EMX1: variants seen among roughly 807,000 people sequenced by gnomAD.
EMX1 encodes the protein empty spiracles homeobox 1.
A neutral mutation model predicts 20.1 loss-of-function variants in EMX1; 10 were observed. The observed-to-expected ratio is 0.50, with a 90% CI of 0.31 to 0.84. The LOEUF is 0.84. Among genes scored for constraint, EMX1 ranks in the 40% least tolerant of loss-of-function variants. The pLI, the probability that EMX1 is intolerant of heterozygous loss-of-function variation, is 0.05. For synonymous variants in EMX1, 250 were observed against 200.4 expected, an observed-to-expected ratio of 1.25 and a Z score of -2.09; for missense variants, 424 against 431.9, an observed-to-expected ratio of 0.98 and a Z score of 0.16.
chr2:72,933,885 C>G lies in EMX1; in HGVS notation c.804C>G (p.His268Gln). The part of the protein sequence containing the change: ...ESEQKKKGSH[H>Q]INRWRIATKQ... The stretch of plus-strand genomic sequence containing the variant: ...AGCAGAAGAAGAAGGGCTCCCATCA[C>G]ATCAACCGGTGGCGCATTGCCACGA... Residue 268 changes from histidine (H) to glutamine (Q), a missense_variant, in exon 3 of 3, where the codon CAC becomes CAG. Coordinates refer to ENST00000258106, the MANE Select transcript of EMX1 (RefSeq NM_004097.3). The G allele has an allele frequency of 1.2e-6, 2 of 1,614,276 alleles. No individual in the cohort carries two copies. Among genetic ancestry groups the G allele is most frequent in the Non-Finnish European group, 1.7e-6 (2 of 1,180,048 alleles).
upstream of EMX1, chr2:72,917,432 C>A (rs1370133759): frequency 5.0e-6 from 1 of 199,016 alleles, no homozygotes; most frequent in South Asian, 1.7e-4. Flanking sequence ...CCTCCCCACC[C>A]GCCGTCCCTC....
chr2:72,924,331 G>T lies in EMX1; in HGVS notation c.543G>T (p.Gly181=). The T allele has an allele frequency of 6.4e-7, 1 of 1,574,644 alleles. No homozygotes were observed. The highest frequency in any genetic ancestry group is 8.6e-7 in the Non-Finnish European group (1 of 1,167,842). The change falls in exon 2 of 3, where the codon GGG becomes GGT. Residue 181 remains glycine, a synonymous_variant. Coordinates refer to ENST00000258106, the MANE Select transcript of EMX1 (RefSeq NM_004097.3). ...RFQASDVPQD[G]LLLHGPFARK... is the part of the protein sequence containing the mutation. ...CAGCCAGCGACGTGCCCCAGGACGGGCTGCTTCTGCACGGCCCCTTCGCAC... is the reference window on the plus strand; with the variant it reads ...CAGCCAGCGACGTGCCCCAGGACGGTCTGCTTCTGCACGGCCCCTTCGCAC...
intron 2 of EMX1, among the ~76,000 whole-genome samples, chr2:72,925,110 T>C (rs981267490): frequency 6.6e-6 from 1 of 152,120 alleles, no homozygotes; most frequent in African/African-American, 2.4e-5. Flanking sequence ...GGCCGGCTGA[T>C]AGGGCTGTGG....
chr2:72,926,117 T>C, intron 2 of EMX1: 1 of 984,930 alleles, frequency 1.0e-6, no homozygotes. Context: ...ATTGCAGAAC[T>C]GTAAGAAAAC....
intron 1 of EMX1, chr2:72,923,875 T>G: frequency 3.8e-6 from 1 of 263,232 alleles, no homozygotes; most frequent in Non-Finnish European, 7.5e-6. Context: ...TTGCGACCAG[T>G]TAACTGAAAG....
intron 2 of EMX1, among the ~76,000 whole-genome samples, chr2:72,927,023 C>CT (rs1251921706): frequency 6.6e-6 from 1 of 152,152 alleles, no homozygotes; most frequent in Non-Finnish European, 1.5e-5. Context: ...ATATCTGTAT[C>CT]TGTCTCCAGA....
At chr2:72,921,741 A>T (rs1671108207) in intron 1 of EMX1, among the ~76,000 whole-genome samples, 1 of 152,194 alleles carries the variant, frequency 6.6e-6, no homozygotes, top group African/African-American at 2.4e-5. Flanking sequence ...ACCCTTTAGG[A>T]CACATGCTGT....
At chr2:72,918,407 G>A (rs764690210) in intron 1 of EMX1, 35 bp downstream of exon 1, 2 of 1,362,158 alleles carry the variant, frequency 1.5e-6, no homozygotes, top group African/African-American at 3.1e-5. Flanking sequence ...GAGGCGGCCG[G>A]CCGGCGCCCG....
At chr2:72,928,183 C>T (rs901818988) in intron 2 of EMX1, among the ~76,000 whole-genome samples, 1 of 152,182 alleles carries the variant, frequency 6.6e-6, no homozygotes, top group African/African-American at 2.4e-5. Flanking sequence ...TGGGCAAGGG[C>T]TAGTTCTCCC....
At chr2:72,933,549 C>T in intron 2 of EMX1, 1 of 544,064 alleles carries the variant, frequency 1.8e-6, no homozygotes, top group South Asian at 2.4e-5. Context: ...TTGAGAGGAA[C>T]AGGAAAACCA....
intron 2 of EMX1, chr2:72,925,896 G>T: frequency 2.0e-6 from 2 of 985,408 alleles, no homozygotes; most frequent in Non-Finnish European, 2.4e-6. Context: ...TACTAGCTGG[G>T]CTGTTCTAAC....
chr2:72,927,932 T>C (rs760218563), intron 2 of EMX1, among the ~76,000 whole-genome samples: 4 of 152,248 alleles, frequency 2.6e-5, no homozygotes, highest in Non-Finnish European at 5.9e-5. Flanking sequence ...CCTTGTACTT[T>C]CACAGCTGAT....
intron 2 of EMX1, among the ~76,000 whole-genome samples, chr2:72,928,305 G>C (rs1671235492): frequency 1.3e-5 from 2 of 152,228 alleles, no homozygotes; most frequent in African/African-American, 4.8e-5. Context: ...ACCTGGGCCT[G>C]GGTCATTGCA....
intron 1 of EMX1, among the ~76,000 whole-genome samples, chr2:72,920,832 G>C (rs1349914852): frequency 6.6e-6 from 1 of 152,206 alleles, no homozygotes; most frequent in Non-Finnish European, 1.5e-5. Flanking sequence ...GGAGTGGGCC[G>C]CATTTCGGTA....
Position 72,930,797 on chromosome 2 carries a change from CT to C in EMX1, c.706-2985del, listed in dbSNP as rs1671268129. On this transcript the variant is annotated intron_variant, in intron 2 of 2. Transcript: ENST00000258106. The surrounding 1 kb of genome is among the most constrained non-coding windows in gnomAD (Gnocchi z 4.4). ...ATACACTCAGAGCCCAGTTCCTTTT[CT>C]TTTTCCAAGTAAAAAATAACTACCA... is the stretch of plus-strand genomic sequence containing the variant. 6.6e-6 allele frequency among the ~76,000 whole-genome samples: 1 copy of C among 152,164 alleles called. No individual in the cohort carries two copies. Among genetic ancestry groups the C allele is most frequent in the South Asian group, 2.1e-4 (1 of 4,824 alleles).
At position 72,918,227 on chromosome 2, in the gene EMX1, C is replaced by CCCCGCGCTGACCGTGCAT. The variant is rs1553501069; in HGVS notation, c.378_395dup (p.Leu128_Ala133dup). 3.8e-6 allele frequency: 6 copies of CCCCGCGCTGACCGTGCAT among 1,580,656 alleles called. No homozygotes were observed. Among genetic ancestry groups the CCCCGCGCTGACCGTGCAT allele is most frequent in the Non-Finnish European group, 5.1e-6 (6 of 1,173,678 alleles). ...TCGTGTTCCCCGAGGCCATGAACCACCCCGCGCTGACCGTGCATCCGGCGC... is the reference window on the plus strand; with the variant it reads ...TCGTGTTCCCCGAGGCCATGAACCACCCCGCGCTGACCGTGCATCCCGCGCTGACCGTGCATCCGGCGC... On this transcript the variant is annotated inframe_insertion, in exon 1 of 3. Coordinates refer to ENST00000258106, the MANE Select transcript of EMX1 (RefSeq NM_004097.3).
rs1671265755 is a variant in EMX1 at position 72,930,602 on chromosome 2, GTGTT to G, written c.706-3181_706-3178del. Reference sequence around the variant, plus strand: ...CGGGGCTTAGAGAGAGGTGAGTAGTGTGTTTGTGTTGGGGATGGGGAGGCATGTG... The same window carrying G: ...CGGGGCTTAGAGAGAGGTGAGTAGTGTGTGTTGGGGATGGGGAGGCATGTG... On this transcript the variant is annotated intron_variant, in intron 2 of 2. Transcript: ENST00000258106. This position sits in a 1 kb window ranked among gnomAD's most constrained non-coding sequence, Gnocchi z 4.4. 6.6e-6 allele frequency among the ~76,000 whole-genome samples: 1 copy of G among 152,146 alleles called. No individual in the cohort carries two copies. Among genetic ancestry groups the G allele is most frequent in the Middle Eastern group, 3.2e-3 (1 of 316 alleles).
At position 72,917,885 on chromosome 2, in the gene EMX1, G is replaced by T; in HGVS notation, c.33G>T (p.Ala11=). 6.8e-7 allele frequency: 1 copy of T among 1,479,340 alleles called. No homozygotes were observed. The highest frequency in any genetic ancestry group is 8.9e-7 in the Non-Finnish European group (1 of 1,122,590). The allele number at this position is 1,479,340 out of a possible 1,614,324, so 91.6% of individuals were successfully genotyped here. ...TGGCTGGGTGCACACCCCGCAAGGC[G>T]GCGGCGCCAGGACGCGGAGCGCTCC... is the stretch of plus-strand genomic sequence containing the variant. MCLAGCTPRK[A]AAPGRGALPR... Residue 11 remains alanine, a synonymous_variant, in exon 1 of 3, where the codon GCG becomes GCT. Transcript: ENST00000258106.
In EMX1 at chr2:72,924,346, C is replaced by T. The variant is rs770883059; in HGVS notation, c.558C>T (p.Gly186=). The T allele has an allele frequency of 1.3e-6, 2 of 1,582,288 alleles. No homozygotes were observed. The highest frequency in any genetic ancestry group is 2.3e-5 in the East Asian group (1 of 43,950). Residue 186 remains glycine (G), a synonymous_variant, in exon 2 of 3, where the codon GGC becomes GGT. Transcript: ENST00000258106. Reference sequence around the variant, plus strand: ...CCCAGGACGGGCTGCTTCTGCACGGCCCCTTCGCACGCAAGCCCAAGCGGA... The same window carrying T: ...CCCAGGACGGGCTGCTTCTGCACGGTCCCTTCGCACGCAAGCCCAAGCGGA... ...DVPQDGLLLH[G]PFARKPKRIR...
Sources: gnomAD v4.1 joint callset for allele counts (sites outside exome capture counted in the v4.1 genomes callset) on GRCh38, gnomAD v4.1.1 for gene constraint, Gnocchi (gnomAD v3.1) non-coding constraint, MANE v1.5 for transcripts, NCBI Gene and HGNC (gene_info 2026-07-23, HGNC 2026-07-21) for gene names.